The following PARP11 variants were observed in gnomAD, a reference collection of about 807,000 sequenced individuals.
PARP11 encodes the protein protein mono-ADP-ribosyltransferase PARP11.
A neutral mutation model predicts 42.9 loss-of-function variants in PARP11; 31 were observed. That is an observed-to-expected ratio of 0.72 (90% CI 0.54 to 0.98). The LOEUF (loss-of-function observed/expected upper bound fraction) is 0.98. PARP11 is among the 50% of genes least tolerant of loss of function. The probability of loss-of-function intolerance (pLI) is 0.00; values close to 1 mark genes in which losing one functional copy is unlikely to be tolerated. For synonymous variants in PARP11, 137 were observed against 127.3 expected (o/e 1.08, Z -0.51); for missense variants, 365 against 413.1 (o/e 0.88, Z 1.01).
chr12:3,841,008 A>C (rs984927455), intron 1 of PARP11: 19 of 1,597,244 alleles, frequency 1.2e-5, no homozygotes, highest in Non-Finnish European at 1.6e-5. Context: ...TCCCTGCTCC[A>C]ATTCCTGGTC....
chr12:3,826,130 C>A, intron 4 of PARP11, 28 bp downstream of exon 4: 2 of 1,411,898 alleles, frequency 1.4e-6, no homozygotes, highest in South Asian at 1.3e-5. Context: ...AAAACCCACT[C>A]TTTCCACCCC....
At chr12:3,844,273 G>A (rs978264024) in intron 1 of PARP11, among the ~76,000 whole-genome samples, 1 of 152,178 alleles carries the variant, frequency 6.6e-6, no homozygotes, top group Non-Finnish European at 1.5e-5. Context: ...TGGTTGTGTG[G>A]AAAACATTTT....
At chr12:3,858,238 A>G (rs997943575) in intron 1 of PARP11, among the ~76,000 whole-genome samples, 25 of 152,256 alleles carry the variant, frequency 1.6e-4, no homozygotes, top group Non-Finnish European at 8.8e-5. Context: ...ATTGATAATG[A>G]GGCTCCAGTT....
rs140971886 is a variant in PARP11 at position 3,865,239 on chromosome 12, A to T, written c.18+7973T>A. On this transcript the variant is annotated intron_variant, in intron 1 of 7. Transcript: ENST00000228820. ...TCTTGCTTGACTTCAATTCTTTCAA[A>T]TGTACTGAGATATGTTTTATGGGCC... 4.4e-4 allele frequency among the ~76,000 whole-genome samples: 67 copies of T among 152,234 alleles called. 1 individual carries two copies. The East Asian group carries it at 0.013, about 29-fold the overall frequency.
intron 1 of PARP11, among the ~76,000 whole-genome samples, chr12:3,849,626 G>A (rs1948060270): frequency 6.6e-6 from 1 of 152,144 alleles, no homozygotes; most frequent in African/African-American, 2.4e-5. Context: ...AGACAAAGTA[G>A]ATTGGTGGTT....
At chr12:3,872,535 A>C (rs1565555952) in intron 1 of PARP11, 1 of 985,234 alleles carries the variant, frequency 1.0e-6, no homozygotes, top group Non-Finnish European at 1.2e-6. Flanking sequence ...GGAAGAAGGC[A>C]GACTTGCAGT....
chr12:3,828,991 T>C lies in PARP11; in HGVS notation c.187A>G (p.Ile63Val). ...GGGTTTGTTTTGAAGCTTTTTTCGA[T>C]ATCTTCACTGCTAACTGAACACTGA... ...NSQCSVSSEDIEKSFKTNPCG... is the reference protein window; with the variant it reads ...NSQCSVSSEDVEKSFKTNPCG... Residue 63 changes from isoleucine (I) to valine (V), a missense_variant, in exon 3 of 8, where the codon ATC becomes GTC. Coordinates refer to ENST00000228820, the MANE Select transcript of PARP11 (RefSeq NM_020367.6). 3 of 1,614,034 alleles carry C rather than the reference T, an allele frequency of 1.9e-6. No homozygotes were observed. Among genetic ancestry groups the C allele is most frequent in the Non-Finnish European group, 2.5e-6 (3 of 1,179,906 alleles).
chr12:3,850,797 A>G (rs7972536), intron 1 of PARP11, among the ~76,000 whole-genome samples: 60,037 of 152,162 alleles, frequency 0.39, 14,340 homozygotes, highest in East Asian at 0.73. Context: ...TAGCAACTGG[A>G]CAGCAATGTT....
intron 1 of PARP11, among the ~76,000 whole-genome samples, chr12:3,848,633 C>A (rs945944495): frequency 3.9e-5 from 6 of 152,210 alleles, no homozygotes; most frequent in African/African-American, 1.4e-4. Context: ...ATACCACTAT[C>A]TCTAACCACA....
Position 3,826,093 on chromosome 12 carries a change from G to T in PARP11, c.344+65C>A, listed in dbSNP as rs546852423. 52 of 884,826 alleles carry T rather than the reference G, an allele frequency of 5.9e-5. No homozygotes were observed. In the African/African-American group the frequency reaches 6.7e-4, roughly 11 times the overall value. 54.8% of individuals were successfully genotyped at this position (884,826 alleles called of 1,614,324 possible). A position where few individuals can be genotyped will look rare whatever the true frequency, so the allele number is the denominator to read the frequency against. ...CTACCAAAATATTTCCAGTCTATTT[G>T]TTTTTCTGTCCAATAGTAAGAAAAA... On this transcript the variant is annotated intron_variant, in intron 4 of 7. Coordinates refer to ENST00000228820, the MANE Select transcript of PARP11 (RefSeq NM_020367.6).
At chr12:3,844,500 T>G (rs775490422) in intron 1 of PARP11, among the ~76,000 whole-genome samples, 13 of 152,228 alleles carry the variant, frequency 8.5e-5, no homozygotes, top group Admixed American at 2.6e-4. Flanking sequence ...GATTTGAAAG[T>G]TCAATGTGTT....
intron 1 of PARP11, chr12:3,842,525 T>C (rs1947912050): frequency 6.5e-7 from 1 of 1,548,656 alleles, no homozygotes; most frequent in African/African-American, 1.4e-5. Flanking sequence ...TGACGGTTGT[T>C]GCCGAAGTAT....
At chr12:3,872,186 C>CTG (rs1948495950) in intron 1 of PARP11, among the ~76,000 whole-genome samples, 1 of 152,144 alleles carries the variant, frequency 6.6e-6, no homozygotes, top group Non-Finnish European at 1.5e-5. Flanking sequence ...ACAGACCTTG[C>CTG]TGGGCTTCCT....
chr12:3,823,709 A>G (rs1947454194), intron 4 of PARP11, among the ~76,000 whole-genome samples: 1 of 152,154 alleles, frequency 6.6e-6, no homozygotes, highest in Non-Finnish European at 1.5e-5. Flanking sequence ...TGAGCTTAGG[A>G]GTTCGAGACC....
intron 1 of PARP11, among the ~76,000 whole-genome samples, chr12:3,830,602 A>T (rs2231377): frequency 1.3e-5 from 2 of 152,130 alleles, no homozygotes; most frequent in African/African-American, 2.4e-5. Flanking sequence ...GGATGTATAT[A>T]TAACAATCTA....
In PARP11 at chr12:3,828,932, G is replaced by C. The variant is rs1272004036; in HGVS notation, c.246C>G (p.Phe82Leu). 9.9e-6 allele frequency: 16 copies of C among 1,613,826 alleles called. No individual in the cohort carries two copies. Among genetic ancestry groups the C allele is most frequent in the Admixed American group, 8.3e-5 (5 of 59,996 alleles). The change falls in exon 3 of 8, where the codon TTC (phenylalanine) becomes TTG (leucine). Residue 82 changes from phenylalanine to leucine, a missense_variant. Phe to Leu is a conservative substitution (Grantham distance 22, BLOSUM62 0). Coordinates refer to ENST00000228820, the MANE Select transcript of PARP11 (RefSeq NM_020367.6). The stretch of plus-strand genomic sequence containing the variant: ...TACCTGCAAAGTCTATCTTGTAGCT[G>C]AATTTGGAAGTAGTAAAAGAAATGG... ...CGSISFTTSK[F>L]SYKIDFAEMK...
rs1947132062 is a variant in PARP11, at chr12:3,809,733, T to A, written c.*2390A>T. The A allele has an allele frequency of 6.6e-6, 1 of 152,254 alleles. No individual in the cohort carries two copies. Among genetic ancestry groups the A allele is most frequent in the African/African-American group, 2.4e-5 (1 of 41,462 alleles). The allele number at this position is 152,254 out of a possible 1,614,324, so 9.4% of individuals were successfully genotyped here. A position where few individuals can be genotyped will look rare whatever the true frequency, so the allele number is the denominator to read the frequency against. ...AAAAAAAGATTTTCAAAACCTGAAT[T>A]CCTAATGTCTCTAACATTGTTTTTT... On this transcript the variant is annotated 3_prime_UTR_variant, in exon 8 of 8. Transcript: ENST00000228820.
chr12:3,815,345 C>T (rs1245209694), intron 6 of PARP11, among the ~76,000 whole-genome samples: 5 of 152,140 alleles, frequency 3.3e-5, no homozygotes, highest in African/African-American at 1.2e-4. Flanking sequence ...CAATGCCAAA[C>T]CAAATCTGCC....
chr12:3,829,729 G>T (rs375644866), intron 2 of PARP11, among the ~76,000 whole-genome samples, 161 bp downstream of exon 2: 4 of 152,186 alleles, frequency 2.6e-5, no homozygotes, highest in African/African-American at 9.7e-5. Context: ...AAAAGAAAAG[G>T]AAAAGCACTG....
Sources: allele counts gnomAD v4.1 joint callset (sites outside exome capture counted in the v4.1 genomes callset), GRCh38; gene constraint gnomAD v4.1.1; transcripts MANE v1.5; gene names NCBI Gene and HGNC (gene_info 2026-07-23, HGNC 2026-07-21).